The following ZNF385B variants were observed in gnomAD, a reference collection of about 807,000 sequenced individuals.
The protein encoded by ZNF385B is zinc finger protein 533.
ZNF385B carries 23 observed loss-of-function variants against 39.2 expected under a neutral mutation model. The observed-to-expected ratio is 0.59, with a 90% CI of 0.42 to 0.83. The LOEUF is 0.83. Ranked by LOEUF, ZNF385B falls within the 40% of genes least tolerant of loss-of-function variation. The pLI, the probability that ZNF385B is intolerant of heterozygous loss-of-function variation, is 0.00. For synonymous variants in ZNF385B, 205 were observed against 222.6 expected, an observed-to-expected ratio of 0.92 and a Z score of 0.70; for missense variants, 552 against 598.9, an observed-to-expected ratio of 0.92 and a Z score of 0.82.
At chr2:179,619,403 C>G (rs574262069) in intron 3 of ZNF385B, among the ~76,000 whole-genome samples, 2 of 152,070 alleles carry the variant, frequency 1.3e-5, no homozygotes, top group Non-Finnish European at 2.9e-5. Flanking sequence ...TTTTAACTTT[C>G]GAATTCAACA....
chr2:179,808,548 G>A (rs539436727), intron 1 of ZNF385B, among the ~76,000 whole-genome samples: 2 of 152,294 alleles, frequency 1.3e-5, no homozygotes, highest in Non-Finnish European at 2.9e-5. Flanking sequence ...CAGGTGCATG[G>A]TGGTAAGCTA....
At chr2:179,493,931 A>G (rs1574440297) in intron 5 of ZNF385B, among the ~76,000 whole-genome samples, 1 of 150,964 alleles carries the variant, frequency 6.6e-6, no homozygotes, top group East Asian at 1.9e-4. Context: ...GCATTATTCT[A>G]AGTGCTGTGG....
chr2:179,567,232 G>GA (rs34892021), intron 3 of ZNF385B, among the ~76,000 whole-genome samples: 1 of 151,962 alleles, frequency 6.6e-6, no homozygotes, highest in Non-Finnish European at 1.5e-5. Context: ...CTTTTTTAAT[G>GA]AAAAAATTAT....
At chr2:179,794,753 T>C (rs1487031230) in intron 1 of ZNF385B, among the ~76,000 whole-genome samples, 1 of 152,022 alleles carries the variant, frequency 6.6e-6, no homozygotes, top group Non-Finnish European at 1.5e-5. Flanking sequence ...GCAATCATAA[T>C]AGAGGAAAGA....
intron 3 of ZNF385B, among the ~76,000 whole-genome samples, chr2:179,749,867 C>T (rs1340808087): frequency 2.6e-5 from 4 of 152,076 alleles, no homozygotes; most frequent in Non-Finnish European, 5.9e-5. Context: ...TATTAAGCAA[C>T]TCTTATCTTT....
At chr2:179,819,645 C>T (rs187035413) in intron 1 of ZNF385B, among the ~76,000 whole-genome samples, 46 of 152,254 alleles carry the variant, frequency 3.0e-4, no homozygotes, top group African/African-American at 1.1e-3. Flanking sequence ...TCAGGCCCTC[C>T]GAAAGTTGAG....
At chr2:179,847,488 A>G (rs1708857385) in intron 1 of ZNF385B, among the ~76,000 whole-genome samples, 1 of 152,252 alleles carries the variant, frequency 6.6e-6, no homozygotes, top group South Asian at 2.1e-4. Flanking sequence ...GCCCGATCTC[A>G]CCACAATAAT....
At chr2:179,589,893 A>G (rs1168896647) in intron 3 of ZNF385B, among the ~76,000 whole-genome samples, 1 of 152,180 alleles carries the variant, frequency 6.6e-6, no homozygotes, top group Non-Finnish European at 1.5e-5. Flanking sequence ...TGATCTGCTA[A>G]TTTTTCTTTT....
At chr2:179,686,683 C>T (rs934282599) in intron 3 of ZNF385B, among the ~76,000 whole-genome samples, 14 of 152,284 alleles carry the variant, frequency 9.2e-5, no homozygotes, top group Non-Finnish European at 1.3e-4. Context: ...TCAACCTCTT[C>T]GCTCCTAAAA....
chr2:179,549,757 A>C (rs1437642038), intron 3 of ZNF385B, among the ~76,000 whole-genome samples: 1 of 149,704 alleles, frequency 6.7e-6, no homozygotes, highest in African/African-American at 2.5e-5. Flanking sequence ...GAAGAGAAAA[A>C]AGAGAGAAGG....
At chr2:179,726,987 A>G (rs1701063612) in intron 3 of ZNF385B, among the ~76,000 whole-genome samples, 1 of 152,030 alleles carries the variant, frequency 6.6e-6, no homozygotes, top group Non-Finnish European at 1.5e-5. Flanking sequence ...TTTAACCACA[A>G]TGTGTGACTT....
intron 3 of ZNF385B, among the ~76,000 whole-genome samples, chr2:179,571,909 G>A (rs1357958970): frequency 6.6e-6 from 1 of 152,036 alleles, no homozygotes; most frequent in Non-Finnish European, 1.5e-5. Flanking sequence ...CCACATCCTG[G>A]GTTCCTGGGA....
At chr2:179,570,705 G>T (rs1230472119) in intron 3 of ZNF385B, among the ~76,000 whole-genome samples, 3 of 152,056 alleles carry the variant, frequency 2.0e-5, no homozygotes, top group Non-Finnish European at 4.4e-5. Context: ...ATTTTTATTG[G>T]TTTTCTCTTT....
At chr2:179,558,839 C>T (rs1488792131) in intron 3 of ZNF385B, among the ~76,000 whole-genome samples, 3 of 152,174 alleles carry the variant, frequency 2.0e-5, no homozygotes, top group Non-Finnish European at 4.4e-5. Flanking sequence ...TGGCTTCCAC[C>T]TGGCAGCCAA....
At chr2:179,630,614 C>A (rs1691113884) in intron 3 of ZNF385B, among the ~76,000 whole-genome samples, 1 of 152,226 alleles carries the variant, frequency 6.6e-6, no homozygotes, top group South Asian at 2.1e-4. Flanking sequence ...TGCCTCTTAT[C>A]CTCCAAAGGA....
chr2:179,511,383 A>G (rs1188435393), intron 5 of ZNF385B, among the ~76,000 whole-genome samples: 1 of 152,212 alleles, frequency 6.6e-6, no homozygotes, highest in African/African-American at 2.4e-5. Flanking sequence ...TTGGTATTGT[A>G]TTATATTAAC....
chr2:179,724,047 G>A (rs1348453862), intron 3 of ZNF385B, among the ~76,000 whole-genome samples: 4 of 152,086 alleles, frequency 2.6e-5, no homozygotes, highest in East Asian at 1.9e-4. Context: ...AGTGGCTCAC[G>A]CCTGTAATCA....
At chr2:179,591,051 C>T (rs1286406051) in intron 3 of ZNF385B, among the ~76,000 whole-genome samples, 1 of 151,928 alleles carries the variant, frequency 6.6e-6, no homozygotes, top group Non-Finnish European at 1.5e-5. Context: ...TAATTATTCA[C>T]TACCTGTTAC....
chr2:179,541,230 T>C (rs12693194), intron 4 of ZNF385B, among the ~76,000 whole-genome samples: 66,789 of 151,978 alleles, frequency 0.44, 15,280 homozygotes, highest in Middle Eastern at 0.53. Context: ...TACATACATA[T>C]GCATTGAGAG....
Sources: allele counts gnomAD v4.1 joint callset (sites outside exome capture counted in the v4.1 genomes callset), GRCh38; gene constraint gnomAD v4.1.1; transcripts MANE v1.5; gene names NCBI Gene and HGNC (gene_info 2026-07-23, HGNC 2026-07-21).